DOCK4: variants seen among roughly 807,000 people sequenced by gnomAD.
DOCK4 encodes the protein dedicator of cytokinesis protein 4.
A neutral mutation model predicts 268.1 loss-of-function variants in DOCK4; 97 were observed. The ratio of observed to expected loss-of-function variants is 0.36; its 90% CI spans 0.31 to 0.43. The LOEUF (loss-of-function observed/expected upper bound fraction) is 0.43, where lower values mean the gene tolerates loss of function less well. DOCK4 is among the 20% of genes least tolerant of loss of function. The pLI is 1.00. For synonymous variants in DOCK4, 954 were observed against 887.2 expected (o/e 1.08, Z -1.34); for missense variants, 2,145 against 2,455.7 (o/e 0.87, Z 2.67).
chr7:112,016,909 T>C (rs907239108), intron 1 of DOCK4, among the ~76,000 whole-genome samples: 1 of 152,186 alleles, frequency 6.6e-6, no homozygotes, highest in Non-Finnish European at 1.5e-5. Context: ...CTTAACCAAA[T>C]AATTTGTATA....
chr7:112,026,051 C>T (rs954641033), intron 1 of DOCK4, among the ~76,000 whole-genome samples: 3 of 152,244 alleles, frequency 2.0e-5, no homozygotes, highest in Non-Finnish European at 2.9e-5. Context: ...GTTCCCACAA[C>T]TCTTAACACT....
intron 1 of DOCK4, among the ~76,000 whole-genome samples, chr7:112,044,676 C>T (rs373014600): frequency 4.1e-4 from 62 of 152,262 alleles, no homozygotes; most frequent in African/African-American, 1.3e-3. Context: ...GATCCCACCA[C>T]GTTCTTACTC....
At chr7:111,778,777 C>G (rs549098274) in intron 35 of DOCK4, among the ~76,000 whole-genome samples, 1 of 152,292 alleles carries the variant, frequency 6.6e-6, no homozygotes, top group South Asian at 2.1e-4. Flanking sequence ...AAAGTCTCAG[C>G]TGGGCACGGT....
intron 1 of DOCK4, among the ~76,000 whole-genome samples, chr7:112,062,844 A>G (rs767763720): frequency 5.3e-5 from 8 of 151,948 alleles, no homozygotes; most frequent in Non-Finnish European, 8.8e-5. Context: ...CGCCTGGCTA[A>G]TTTTTTGTAT....
chr7:112,148,402 T>C (rs1169133280), intron 1 of DOCK4, among the ~76,000 whole-genome samples: 1 of 152,098 alleles, frequency 6.6e-6, no homozygotes, highest in Non-Finnish European at 1.5e-5. Flanking sequence ...ATAATGTTTT[T>C]AAAGGCATAA....
chr7:111,776,347 G>C (rs1798441175), intron 36 of DOCK4, among the ~76,000 whole-genome samples: 2 of 151,994 alleles, frequency 1.3e-5, no homozygotes, highest in South Asian at 4.2e-4. Context: ...AATTGAAGCT[G>C]TAAAAAGAAA....
At chr7:111,869,432 C>A (rs1473104498) in intron 21 of DOCK4, 142 bp downstream of exon 21, 14 of 757,042 alleles carry the variant, frequency 1.8e-5, no homozygotes, top group African/African-American at 6.9e-5. Flanking sequence ...CTCAAGCAGT[C>A]ACAAACTGAT....
chr7:111,878,938 G>C (rs1474293596), intron 16 of DOCK4, among the ~76,000 whole-genome samples: 1 of 148,346 alleles, frequency 6.7e-6, no homozygotes, highest in African/African-American at 2.6e-5. Flanking sequence ...TGCTAGGCTG[G>C]GCTTAGAGTC....
At chr7:111,932,458 C>CA in intron 12 of DOCK4, among the ~76,000 whole-genome samples, 1 of 151,902 alleles carries the variant, frequency 6.6e-6, no homozygotes, top group East Asian at 1.9e-4. Flanking sequence ...AGTTAATAGG[C>CA]AGAAAGAAAG....
intron 30 of DOCK4, among the ~76,000 whole-genome samples, chr7:111,796,790 T>C (rs577405924): frequency 7.9e-5 from 12 of 152,134 alleles, no homozygotes; most frequent in African/African-American, 2.9e-4. Context: ...AAATCACAAA[T>C]TTAGGAAGTG....
Position 111,765,235 on chromosome 7 carries a change from G to T in DOCK4, c.3916-13C>A. On this transcript the variant is annotated splice_polypyrimidine_tract_variant and intron_variant, in intron 38 of 52. Transcript: ENST00000428084. ...AGGCTTCCATCATCTAGAAAGCACA[G>T]GAAACATTCTAAGCATTTTATCTCA... The T allele has an allele frequency of 1.4e-6, 2 of 1,433,092 alleles. No individual in the cohort carries two copies. The highest frequency in any genetic ancestry group is 1.4e-5 in the African/African-American group (1 of 69,160). 88.8% of individuals were successfully genotyped at this position (1,433,092 alleles called of 1,614,324 possible).
At chr7:112,206,019 C>G in intron 1 of DOCK4, 83 bp downstream of exon 1, 4 of 1,465,812 alleles carry the variant, frequency 2.7e-6, no homozygotes, top group Non-Finnish European at 3.7e-6. Flanking sequence ...CCGGGCGGAG[C>G]GAGAGGGGCG....
intron 15 of DOCK4, among the ~76,000 whole-genome samples, chr7:111,897,741 A>C (rs28571208): frequency 0.49 from 75,174 of 152,050 alleles, 21,174 homozygotes; most frequent in African/African-American, 0.78. Flanking sequence ...AAGTTTCCAA[A>C]CTGGACGTTA....
At chr7:112,130,099 G>C (rs1357260497) in intron 1 of DOCK4, among the ~76,000 whole-genome samples, 2 of 152,148 alleles carry the variant, frequency 1.3e-5, no homozygotes, top group Non-Finnish European at 2.9e-5. Context: ...AGGGAAATTT[G>C]AGCCGAGTTT....
chr7:111,886,234 A>G (rs1807826150), intron 16 of DOCK4, among the ~76,000 whole-genome samples: 1 of 152,234 alleles, frequency 6.6e-6, no homozygotes, highest in Admixed American at 6.5e-5. Context: ...CTGTATTACC[A>G]GTTAATAAAA....
In DOCK4 at chr7:111,984,354, G is replaced by A. The variant is rs1395429322; in HGVS notation, c.501C>T (p.Tyr167=). 9.9e-6 allele frequency: 16 copies of A among 1,613,226 alleles called. No homozygotes were observed. Among genetic ancestry groups the A allele is most frequent in the Middle Eastern group, 1.7e-4 (1 of 6,054 alleles). The change falls in exon 7 of 53, where the codon TAC becomes TAT. Residue 167 remains tyrosine (Y), a synonymous_variant. Coordinates refer to ENST00000428084, the MANE Select transcript of DOCK4 (RefSeq NM_001363540.2). ...TGATGTCTTCCGGATCCACCATTGC[G>A]TACTCTTTCCTAGGCACCAGGTCCA... is the stretch of plus-strand genomic sequence containing the variant. ...LGLDLVPRKE[Y]AMVDPEDISI... is the part of the protein sequence containing the mutation.
intron 1 of DOCK4, among the ~76,000 whole-genome samples, chr7:112,072,730 G>C (rs926515199): frequency 6.6e-6 from 1 of 152,180 alleles, no homozygotes; most frequent in South Asian, 2.1e-4. Context: ...TCTCCCAACA[G>C]ATAGCAACAC....
intron 37 of DOCK4, among the ~76,000 whole-genome samples, chr7:111,768,650 C>T (rs763119872): frequency 4.6e-5 from 7 of 152,096 alleles, no homozygotes; most frequent in South Asian, 2.1e-4. Flanking sequence ...AGGTGATGTA[C>T]TGAATTGCTT....
At chr7:111,938,615 T>A (rs1001827015) in intron 11 of DOCK4, among the ~76,000 whole-genome samples, 14 of 152,054 alleles carry the variant, frequency 9.2e-5, no homozygotes, top group African/African-American at 3.4e-4. Context: ...TCATTTAACT[T>A]AGGATTTGGA....
Sources: gnomAD v4.1 joint callset for allele counts (sites outside exome capture counted in the v4.1 genomes callset) on GRCh38, gnomAD v4.1.1 for gene constraint, MANE v1.5 for transcripts, NCBI Gene and HGNC (gene_info 2026-07-23, HGNC 2026-07-21) for gene names.